Variants in ITGA1 observed in about 807,000 individuals in gnomAD.
ITGA1 encodes integrin subunit alpha 1.
A neutral mutation model predicts 145.9 loss-of-function variants in ITGA1; 85 were observed. The ratio of observed to expected loss-of-function variants is 0.58; its 90% CI spans 0.49 to 0.70. The LOEUF (loss-of-function observed/expected upper bound fraction) is 0.70, where lower values mean the gene tolerates loss of function less well. Ranked by LOEUF, ITGA1 falls within the 30% of genes least tolerant of loss-of-function variation. ITGA1 has a pLI of 0.00. For synonymous variants in ITGA1, 520 were observed against 495.3 expected, an observed-to-expected ratio of 1.05 and a Z score of -0.66; for missense variants, 1,351 against 1,418.7, an observed-to-expected ratio of 0.95 and a Z score of 0.77.
At chr5:52,808,676 C>CTTTTTTTTTTTTTTTTTTTTT (rs60113844) in intron 1 of ITGA1, among the ~76,000 whole-genome samples, 44 of 69,328 alleles carry the variant, frequency 6.3e-4, no homozygotes, top group South Asian at 1.1e-3. Flanking sequence ...TTCTTTCTTT[C>CTTTTTTTTTTTTTTTTTTTTT]TTTTTTTTTT....
intron 28 of ITGA1, among the ~76,000 whole-genome samples, chr5:52,947,768 T>C (rs1409588947): frequency 6.6e-6 from 1 of 152,122 alleles, no homozygotes; most frequent in African/African-American, 2.4e-5. Context: ...AATTTTATAA[T>C]AAGTATGTAT....
chr5:52,943,745 T>C (rs1237759195), intron 26 of ITGA1, among the ~76,000 whole-genome samples: 1 of 152,068 alleles, frequency 6.6e-6, no homozygotes, highest in Non-Finnish European at 1.5e-5. Flanking sequence ...CGAATCCATG[T>C]TTGTTACCCA....
At chr5:52,873,853 GT>G (rs1349800957) in intron 6 of ITGA1, among the ~76,000 whole-genome samples, 4 of 152,128 alleles carry the variant, frequency 2.6e-5, no homozygotes, top group African/African-American at 9.7e-5. Context: ...GGTAATATTA[GT>G]TATTGAATGA....
rs760298854 is a variant in ITGA1 at position 52,864,787 on chromosome 5, C to T, written c.320C>T (p.Thr107Ile). The T allele has an allele frequency of 6.2e-7, 1 of 1,610,666 alleles. No individual in the cohort carries two copies. ...GTTAATACATCAATTCCCAATGTCA[C>T]AGAAGTAAAGGAGAACATGACATTT... Reference protein sequence around the residue: ...LPVNTSIPNVTEVKENMTFGS... With the variant: ...LPVNTSIPNVIEVKENMTFGS... Residue 107 changes from threonine (T) to isoleucine (I), a missense_variant, in exon 4 of 29, where the codon ACA becomes ATA. Transcript: ENST00000282588.
intron 2 of ITGA1, among the ~76,000 whole-genome samples, chr5:52,850,345 A>G (rs937340497): frequency 4.6e-5 from 7 of 152,200 alleles, no homozygotes; most frequent in African/African-American, 1.7e-4. Flanking sequence ...AAAATTATAT[A>G]AACTGAATAT....
Position 52,860,476 on chromosome 5 carries a change from G to A in ITGA1, c.183-971G>A, listed in dbSNP as rs772867859. ...CAGGAGAATCGCTTGGACCCAGGAG[G>A]CGGAGGTTGCAGTGGGCCAAGGTCA... is the stretch of plus-strand genomic sequence containing the variant. On this transcript the variant is annotated intron_variant, in intron 2 of 28. Transcript: ENST00000282588. 4.3e-4 allele frequency among the ~76,000 whole-genome samples: 65 copies of A among 152,322 alleles called. 1 individual carries two copies. Among genetic ancestry groups the A allele is most frequent in the Middle Eastern group, 3.4e-3 (1 of 294 alleles).
chr5:52,915,510 A>T lies in ITGA1; in HGVS notation c.1904A>T (p.Gln635Leu). Reference sequence around the variant, plus strand: ...GGTAAGACACTGAAATTTTTTGGCCAGTCTATCCACGGAGAAATGGATTTA... The same window carrying T: ...GGTAAGACACTGAAATTTTTTGGCCTGTCTATCCACGGAGAAATGGATTTA... ...GDGKTLKFFG[Q>L]SIHGEMDLNG... is the part of the protein sequence containing the mutation. Residue 635 changes from glutamine (Q) to leucine (L), a missense_variant, in exon 15 of 29, where the codon CAG (glutamine) becomes CTG (leucine). Physicochemically the swap from Gln to Leu is moderately radical, Grantham distance 113. Transcript: ENST00000282588. The T allele has an allele frequency of 6.2e-7, 1 of 1,614,070 alleles. No homozygotes were observed. The highest frequency in any genetic ancestry group is 8.5e-7 in the Non-Finnish European group (1 of 1,179,972).
chr5:52,872,476 T>C (rs1220179651), intron 6 of ITGA1, among the ~76,000 whole-genome samples: 1 of 151,716 alleles, frequency 6.6e-6, no homozygotes, highest in Non-Finnish European at 1.5e-5. Flanking sequence ...TGTTGCCTGC[T>C]AAATAATATC....
intron 1 of ITGA1, among the ~76,000 whole-genome samples, chr5:52,836,391 G>T (rs1749163091): frequency 6.6e-6 from 1 of 152,192 alleles, no homozygotes; most frequent in Non-Finnish European, 1.5e-5. Context: ...TAGCAAGTCA[G>T]TATCTTTTCT....
At chr5:52,879,338 A>G (rs866633107) in intron 6 of ITGA1, among the ~76,000 whole-genome samples, 2 of 152,162 alleles carry the variant, frequency 1.3e-5, no homozygotes, top group Admixed American at 6.5e-5. Flanking sequence ...AAGAAAAACA[A>G]AGCAAACTGT....
At chr5:52,906,519 A>T (rs1750411105) in intron 12 of ITGA1, among the ~76,000 whole-genome samples, 1 of 152,266 alleles carries the variant, frequency 6.6e-6, no homozygotes, top group South Asian at 2.1e-4. Context: ...ATATGTATAT[A>T]TAAAAACTGA....
At chr5:52,827,089 CTT>C (rs201041439) in intron 1 of ITGA1, among the ~76,000 whole-genome samples, 1,896 of 134,756 alleles carry the variant, frequency 0.014, 30 homozygotes, top group African/African-American at 0.044. Context: ...CCATTAAGAA[CTT>C]TTTTTTTTTT....
At chr5:52,821,258 T>G (rs1748874567) in intron 1 of ITGA1, among the ~76,000 whole-genome samples, 1 of 152,224 alleles carries the variant, frequency 6.6e-6, no homozygotes, top group Non-Finnish European at 1.5e-5. Context: ...GACTGCTTAA[T>G]TTGGGTCAAT....
At chr5:52,905,518 A>G (rs928274466) in intron 11 of ITGA1, 73 of 296,956 alleles carry the variant, frequency 2.5e-4, no homozygotes, top group African/African-American at 1.5e-3. Context: ...ATCATTTGTG[A>G]TTTTAAATAA....
chr5:52,839,185 G>C (rs1195271889), intron 1 of ITGA1, among the ~76,000 whole-genome samples: 1 of 152,114 alleles, frequency 6.6e-6, no homozygotes, highest in Non-Finnish European at 1.5e-5. Context: ...ACTAAGTGAA[G>C]AATACCTGTT....
intron 28 of ITGA1, among the ~76,000 whole-genome samples, chr5:52,951,053 A>G (rs1036519728): frequency 3.9e-5 from 6 of 152,160 alleles, no homozygotes; most frequent in Non-Finnish European, 8.8e-5. Context: ...CACCAACTAG[A>G]TGATGGCATA....
chr5:52,869,204 A>G (rs1260093491), intron 6 of ITGA1, among the ~76,000 whole-genome samples: 1 of 152,168 alleles, frequency 6.6e-6, no homozygotes, highest in Non-Finnish European at 1.5e-5. Flanking sequence ...CTTGCTACCC[A>G]GGCTGGAGTG....
Position 52,915,570 on chromosome 5 carries a change from G to GC in ITGA1, c.1966dup (p.Leu656ProfsTer16), listed in dbSNP as rs751612975. The GC allele has an allele frequency of 6.2e-6, 10 of 1,614,000 alleles. No homozygotes were observed. The highest frequency in any genetic ancestry group is 8.5e-6 in the Non-Finnish European group (10 of 1,179,964). ...GGTCTGACAGATGTGACTATTGGGG[G>GC]CCTTGGTGGTGCTGCCCTCTTCTGG... On this transcript the variant is annotated frameshift_variant, in exon 15 of 29. Coordinates refer to ENST00000282588, the MANE Select transcript of ITGA1 (RefSeq NM_181501.2). LOFTEE classifies it high-confidence loss of function.
intron 17 of ITGA1, 140 bp from the exon 18 acceptor site, chr5:52,922,637 T>G (rs1376188806): frequency 1.6e-6 from 1 of 627,630 alleles, no homozygotes; most frequent in Non-Finnish European, 2.8e-6. Context: ...AGCAAAAGCC[T>G]GATGAGATCA....
Sources: gnomAD v4.1 joint callset for allele counts (sites outside exome capture counted in the v4.1 genomes callset) on GRCh38, gnomAD v4.1.1 for gene constraint, MANE v1.5 for transcripts, NCBI Gene and HGNC (gene_info 2026-07-23, HGNC 2026-07-21) for gene names.